Variants in C1orf226 observed in about 807,000 individuals in gnomAD.
C1orf226 encodes uncharacterized protein C1orf226.
C1orf226 carries 4 observed loss-of-function variants against 10.5 expected under a neutral mutation model. The ratio of observed to expected loss-of-function variants is 0.38; its 90% CI spans 0.19 to 0.87. The LOEUF is 0.87. Ranked by LOEUF, C1orf226 falls within the 40% of genes least tolerant of loss-of-function variation. C1orf226 has a pLI of 0.41. For missense variants in C1orf226, 313 were observed against 336.2 expected (o/e 0.93, Z 0.54); for synonymous variants, 125 against 139.3 (o/e 0.90, Z 0.72).
Position 162,382,166 on chromosome 1 carries a change from C to T in C1orf226, c.265C>T (p.Gln89Ter). 1 of 1,589,164 alleles carries T rather than the reference C, an allele frequency of 6.3e-7. No individual in the cohort carries two copies. Among genetic ancestry groups the T allele is most frequent in the East Asian group, 2.3e-5 (1 of 43,504 alleles). ...VTEINKTAGA[Q>*]LASGTDAAPE... The stretch of plus-strand genomic sequence containing the variant: ...AGAGATCAACAAGACTGCAGGAGCA[C>T]AGCTGGCCAGTGGGACTGACGCGGC... Residue 89 changes from glutamine (Q) to a stop codon, truncating the protein, a stop_gained, in exon 1 of 2, where the codon CAG becomes TAG. Transcript: ENST00000458626. LOFTEE classifies it high-confidence loss of function.
In C1orf226 at chr1:162,384,373, AG is replaced by A. The variant is rs1381406602; in HGVS notation, c.*693del. On this transcript the variant is annotated 3_prime_UTR_variant, in exon 2 of 2. Transcript: ENST00000458626. ...ACCCAGGGTTTGAACGCTGCCACCC[AG>A]GGTTCCCAAGGTTTCTCCCATCTGG... 6.6e-6 allele frequency: 1 copy of A among 152,248 alleles called. No individual in the cohort carries two copies. The highest frequency in any genetic ancestry group is 1.5e-5 in the Non-Finnish European group (1 of 68,072). The allele number at this position is 152,248 out of a possible 1,614,324, so 9.4% of individuals were successfully genotyped here.
Position 162,383,709 on chromosome 1 carries a change from C to T in C1orf226, c.*26C>T. ...AGCCTCTGCTCTTTCCTGCTGAGCT[C>T]TGCCCTTGTCTTCCTGCTGCTTTCT... On this transcript the variant is annotated 3_prime_UTR_variant, in exon 2 of 2. Coordinates refer to ENST00000458626, the MANE Select transcript of C1orf226 (RefSeq NM_001085375.2). 6.4e-7 allele frequency: 1 copy of T among 1,551,010 alleles called. No homozygotes were observed. The highest frequency in any genetic ancestry group is 1.2e-5 in the South Asian group (1 of 81,634).
chr1:162,383,211 T>G lies in C1orf226; in HGVS notation c.347T>G (p.Leu116Arg). Residue 116 changes from leucine to arginine, a missense_variant, in exon 2 of 2, where the codon CTG becomes CGG. By Grantham distance (102) the Leu-to-Arg change is moderately radical. Transcript: ENST00000458626. ...RSVLQETFPR[L>R]DPPPPITRKR... ...GTCCTGCAAGAAACATTTCCTCGGC[T>G]GGATCCTCCACCTCCCATAACCAGA... 1.2e-6 allele frequency: 2 copies of G among 1,602,210 alleles called. No individual in the cohort carries two copies. Among genetic ancestry groups the G allele is most frequent in the Non-Finnish European group, 1.7e-6 (2 of 1,174,038 alleles).
chr1:162,383,119 G>C, intron 1 of C1orf226, 63 bp from the exon 2 acceptor site: 1 of 1,470,414 alleles, frequency 6.8e-7, no homozygotes, highest in Non-Finnish European at 9.2e-7. Context: ...GAAGCAAGAT[G>C]GCAGGTGGAT....
In C1orf226 at chr1:162,386,350, G is replaced by T. The variant is rs164177; in HGVS notation, c.*2667G>T. The T allele has an allele frequency of 6.6e-6, 1 of 152,186 alleles. No homozygotes were observed. Among genetic ancestry groups the T allele is most frequent in the Non-Finnish European group, 1.5e-5 (1 of 68,098 alleles). The allele number at this position is 152,186 out of a possible 1,614,324, so 9.4% of individuals were successfully genotyped here. A position where few individuals can be genotyped will look rare whatever the true frequency, so the allele number is the denominator to read the frequency against. On this transcript the variant is annotated 3_prime_UTR_variant, in exon 2 of 2. Coordinates refer to ENST00000458626, the MANE Select transcript of C1orf226 (RefSeq NM_001085375.2). ...TGGCAGCCACACCCTCAGTAATCCCGCACAGTGAGTCCAGCTTCTCTGGGA... is the reference window on the plus strand; with the variant it reads ...TGGCAGCCACACCCTCAGTAATCCCTCACAGTGAGTCCAGCTTCTCTGGGA...
rs1224602221 is a variant in C1orf226, at chr1:162,386,535, T to G, written c.*2852T>G. The stretch of plus-strand genomic sequence containing the variant: ...TAACCTCCTACTCAGCACACAGCTG[T>G]ATCCTGGTAGATTATAAGGTGAGCT... On this transcript the variant is annotated 3_prime_UTR_variant, in exon 2 of 2. Coordinates refer to ENST00000458626, the MANE Select transcript of C1orf226 (RefSeq NM_001085375.2). 6.6e-6 allele frequency: 1 copy of G among 152,238 alleles called. No individual in the cohort carries two copies. Among genetic ancestry groups the G allele is most frequent in the Non-Finnish European group, 1.5e-5 (1 of 68,074 alleles). 9.4% of individuals were successfully genotyped at this position (152,238 alleles called of 1,614,324 possible).
upstream of C1orf226, among the ~76,000 whole-genome samples, chr1:162,379,842 C>T (rs7547651): frequency 0.096 from 14,675 of 152,126 alleles, 1,632 homozygotes; most frequent in African/African-American, 0.26. Context: ...TTTTTAAAAA[C>T]GAGTATGTCT....
In C1orf226 at chr1:162,381,842, A is replaced by G; in HGVS notation, c.-60A>G. ...AAAAACTGAATGATAGAGCACAGGT[A>G]CCGCTCCCCTTTCCTCATCATGCCT... On this transcript the variant is annotated 5_prime_UTR_variant, in exon 1 of 2. Coordinates refer to ENST00000458626, the MANE Select transcript of C1orf226 (RefSeq NM_001085375.2). The G allele has an allele frequency of 6.3e-7, 1 of 1,596,488 alleles. No homozygotes were observed. Among genetic ancestry groups the G allele is most frequent in the Non-Finnish European group, 8.5e-7 (1 of 1,174,732 alleles).
At position 162,385,449 on chromosome 1, in the gene C1orf226, C is replaced by T. The variant is rs1332443105; in HGVS notation, c.*1766C>T. Reference sequence around the variant, plus strand: ...CTTCTACCTTGCCTTCCATTGTCTTCCTTCTCCCAGAAAGCCAGGTTTCAC... The same window carrying T: ...CTTCTACCTTGCCTTCCATTGTCTTTCTTCTCCCAGAAAGCCAGGTTTCAC... On this transcript the variant is annotated 3_prime_UTR_variant, in exon 2 of 2. Transcript: ENST00000458626. The T allele has an allele frequency of 6.6e-6, 1 of 152,410 alleles. No homozygotes were observed. Among genetic ancestry groups the T allele is most frequent in the African/African-American group, 2.4e-5 (1 of 41,456 alleles). 9.4% of individuals were successfully genotyped at this position (152,410 alleles called of 1,614,324 possible).
At position 162,386,058 on chromosome 1, in the gene C1orf226, G is replaced by A. The variant is rs1275947982; in HGVS notation, c.*2375G>A. 1 of 152,304 alleles carries A rather than the reference G, an allele frequency of 6.6e-6. No homozygotes were observed. Among genetic ancestry groups the A allele is most frequent in the Non-Finnish European group, 1.5e-5 (1 of 68,128 alleles). 9.4% of individuals were successfully genotyped at this position (152,304 alleles called of 1,614,324 possible). ...TCTGATACTGAATACAGTGCCATGG[G>A]ACCCTGCTCCAATCTAACTGCCTAC... is the stretch of plus-strand genomic sequence containing the variant. On this transcript the variant is annotated 3_prime_UTR_variant, in exon 2 of 2. Coordinates refer to ENST00000458626, the MANE Select transcript of C1orf226 (RefSeq NM_001085375.2).
Position 162,382,097 on chromosome 1 carries a change from C to T in C1orf226, c.196C>T (p.Leu66=). 1 of 1,594,904 alleles carries T rather than the reference C, an allele frequency of 6.3e-7. No individual in the cohort carries two copies. The highest frequency in any genetic ancestry group is 1.1e-5 in the South Asian group (1 of 88,416). Residue 66 remains leucine, a synonymous_variant, in exon 1 of 2, where the codon CTG becomes TTG. Coordinates refer to ENST00000458626, the MANE Select transcript of C1orf226 (RefSeq NM_001085375.2). ...KAMGAKVNDF[L]RRKEPSSLGS... ...CATGGGGGCCAAAGTGAATGACTTC[C>T]TGAGGAGAAAGGAGCCCTCCAGCCT...
upstream of C1orf226, chr1:162,379,066 T>TG: frequency 7.3e-7 from 1 of 1,376,322 alleles, no homozygotes; most frequent in East Asian, 2.5e-5. Context: ...ATGACTTACA[T>TG]CCCCAGATGC....
chr1:162,383,224 T>A lies in C1orf226; in HGVS notation c.360T>A (p.Pro120=), dbSNP rs1332594882. The A allele has an allele frequency of 6.2e-6, 10 of 1,607,780 alleles. No individual in the cohort carries two copies. Among genetic ancestry groups the A allele is most frequent in the Non-Finnish European group, 8.5e-6 (10 of 1,177,336 alleles). ...CATTTCCTCGGCTGGATCCTCCACC[T>A]CCCATAACCAGAAAGCGAACCCCTC... ...QETFPRLDPP[P]PITRKRTPRA... Residue 120 remains proline, a synonymous_variant, in exon 2 of 2, where the codon CCT becomes CCA. Coordinates refer to ENST00000458626, the MANE Select transcript of C1orf226 (RefSeq NM_001085375.2).
chr1:162,382,078 G>C lies in C1orf226; in HGVS notation c.177G>C (p.Gly59=). 4 of 1,602,006 alleles carry C rather than the reference G, an allele frequency of 2.5e-6. No individual in the cohort carries two copies. Among genetic ancestry groups the C allele is most frequent in the Non-Finnish European group, 3.4e-6 (4 of 1,174,232 alleles). The change falls in exon 1 of 2, where the codon GGG becomes GGC. Residue 59 remains glycine (G), a synonymous_variant. Coordinates refer to ENST00000458626, the MANE Select transcript of C1orf226 (RefSeq NM_001085375.2). ...TCAAGAACCTGGGCAAAGCCATGGG[G>C]GCCAAAGTGAATGACTTCCTGAGGA... ...QHLKNLGKAM[G]AKVNDFLRRK...
At position 162,383,723 on chromosome 1, in the gene C1orf226, C is replaced by T. The variant is rs1380257828; in HGVS notation, c.*40C>T. On this transcript the variant is annotated 3_prime_UTR_variant, in exon 2 of 2. Transcript: ENST00000458626. ...CCTGCTGAGCTCTGCCCTTGTCTTC[C>T]TGCTGCTTTCTCCTCCACTGCGCAC... is the stretch of plus-strand genomic sequence containing the variant. 2 of 1,535,582 alleles carry T rather than the reference C, an allele frequency of 1.3e-6. No individual in the cohort carries two copies. Among genetic ancestry groups the T allele is most frequent in the African/African-American group, 1.4e-5 (1 of 73,232 alleles).
In C1orf226 at chr1:162,384,134, A is replaced by C. The variant is rs147386900; in HGVS notation, c.*451A>C. 4.0e-3 allele frequency: 685 copies of C among 171,130 alleles called. 7 individuals are homozygous for C. The highest frequency in any genetic ancestry group is 0.016 in the African/African-American group (659 of 41,816). The allele number at this position is 171,130 out of a possible 1,614,324, so 10.6% of individuals were successfully genotyped here. A position where few individuals can be genotyped will look rare whatever the true frequency, so the allele number is the denominator to read the frequency against. The stretch of plus-strand genomic sequence containing the variant: ...TTCTCTCTCCTCCTTGATGGGTCCG[A>C]TGCCCCTGGCCTCAGCGGGAGGAAG... On this transcript the variant is annotated 3_prime_UTR_variant, in exon 2 of 2. Transcript: ENST00000458626.
At chr1:162,381,628 T>G (rs1257328761), upstream of C1orf226, 22 of 1,214,856 alleles carry the variant, frequency 1.8e-5, no homozygotes, top group Non-Finnish European at 1.9e-5. Context: ...GGAGGCAGGT[T>G]TACAGGAACA....
chr1:162,381,257 T>C (rs902668088), upstream of C1orf226, among the ~76,000 whole-genome samples: 3 of 152,232 alleles, frequency 2.0e-5, no homozygotes, highest in Admixed American at 6.5e-5. Flanking sequence ...CTGATGTTCA[T>C]TGGGATCCTC....
At position 162,384,008 on chromosome 1, in the gene C1orf226, A is replaced by G; in HGVS notation, c.*325A>G. On this transcript the variant is annotated 3_prime_UTR_variant, in exon 2 of 2. Transcript: ENST00000458626. ...TTGTCCTGTCTTCTCAGTGAATTGC[A>G]GGGCCACCAGCTCAGGACAATGGAT... is the stretch of plus-strand genomic sequence containing the variant. 3.1e-6 allele frequency: 1 copy of G among 323,758 alleles called. No homozygotes were observed. Among genetic ancestry groups the G allele is most frequent in the Non-Finnish European group, 5.7e-6 (1 of 176,762 alleles). 20.1% of individuals were successfully genotyped at this position (323,758 alleles called of 1,614,324 possible).
Sources: allele counts gnomAD v4.1 joint callset (sites outside exome capture counted in the v4.1 genomes callset), GRCh38; gene constraint gnomAD v4.1.1; transcripts MANE v1.5; gene names NCBI Gene and HGNC (gene_info 2026-07-23, HGNC 2026-07-21).